Variants in ZNF730 observed in about 807,000 individuals in gnomAD.
ZNF730 encodes putative zinc finger protein 730.
A neutral mutation model predicts 12.6 loss-of-function variants in ZNF730; 12 were observed. The observed-to-expected ratio is 0.95, with a 90% CI of 0.61 to 1.54. The LOEUF is 1.54. Ranked by LOEUF, ZNF730 falls within the 40% of genes most tolerant of loss-of-function variation. The probability of loss-of-function intolerance (pLI) is 0.00; values close to 1 mark genes in which losing one functional copy is unlikely to be tolerated. For missense variants in ZNF730, 643 were observed against 583.5 expected (o/e 1.10, Z -1.05); for synonymous variants, 194 against 195.8 (o/e 0.99, Z 0.08).
At position 23,145,269 on chromosome 19, in the gene ZNF730, A is replaced by C. The variant is rs755629538; in HGVS notation, c.227-2A>C. ...GTAATTTGTTATTTTTATTTCTTTC[A>C]GTTATATGTTCTCATATTGCCCAAG... On this transcript the variant is annotated splice_acceptor_variant, in intron 3 of 3. Transcript: ENST00000597761. LOFTEE classifies it high-confidence loss of function. 6 of 1,496,274 alleles carry C rather than the reference A, an allele frequency of 4.0e-6. No individual in the cohort carries two copies. The highest frequency in any genetic ancestry group is 4.4e-6 in the Non-Finnish European group (5 of 1,125,810). The allele number at this position is 1,496,274 out of a possible 1,614,324, so 92.7% of individuals were successfully genotyped here. A position where few individuals can be genotyped will look rare whatever the true frequency, so the allele number is the denominator to read the frequency against.
intron 1 of ZNF730, among the ~76,000 whole-genome samples, chr19:23,129,061 G>T (rs140191133): frequency 6.6e-6 from 1 of 152,294 alleles, no homozygotes; most frequent in Non-Finnish European, 1.5e-5. Flanking sequence ...TTGAGGTTTG[G>T]CACCCTCCAC....
At chr19:23,137,509 T>A (rs892863120) in intron 3 of ZNF730, among the ~76,000 whole-genome samples, 2 of 152,234 alleles carry the variant, frequency 1.3e-5, no homozygotes, top group Non-Finnish European at 1.5e-5. Context: ...ATATATAAAG[T>A]CAAATGCTCC....
chr19:23,088,905 T>A (rs1205756120), intron 1 of ZNF730, among the ~76,000 whole-genome samples: 10 of 152,048 alleles, frequency 6.6e-5, no homozygotes. Flanking sequence ...GGAGTTTCTC[T>A]CTTGTTGCCC....
At chr19:23,127,484 C>G in intron 1 of ZNF730, 2 of 1,048,762 alleles carry the variant, frequency 1.9e-6, no homozygotes, top group Non-Finnish European at 3.0e-6. Context: ...TACTTTTTCC[C>G]TTGAAGCATC....
chr19:23,128,663 A>G (rs1341761492), intron 1 of ZNF730: 1 of 157,800 alleles, frequency 6.3e-6, no homozygotes, highest in Non-Finnish European at 1.4e-5. Flanking sequence ...GGGTTCTGTT[A>G]AGGGCATTCA....
chr19:23,120,173 G>C (rs1970582326), intron 1 of ZNF730, among the ~76,000 whole-genome samples: 1 of 151,500 alleles, frequency 6.6e-6, no homozygotes, highest in African/African-American at 2.4e-5. Context: ...TTTTGTATTT[G>C]TAGTAGAGAC....
intron 1 of ZNF730, chr19:23,127,565 T>C (rs1159800303): frequency 2.2e-6 from 2 of 918,094 alleles, no homozygotes; most frequent in East Asian, 4.8e-5. Context: ...AAAGGAATCA[T>C]GAAGCCAGAT....
chr19:23,141,414 T>C lies in ZNF730; in HGVS notation c.227-3857T>C, dbSNP rs187462375. Among the ~76,000 whole-genome samples the C allele has an allele frequency of 3.9e-3, 596 of 151,994 alleles. 11 individuals are homozygous for C. Among genetic ancestry groups the C allele is most frequent in the African/African-American group, 0.013 (554 of 41,456 alleles). On this transcript the variant is annotated intron_variant, in intron 3 of 3. Coordinates refer to ENST00000597761, the MANE Select transcript of ZNF730 (RefSeq NM_001277403.2). Reference sequence around the variant, plus strand: ...CGTCTCAAAAAAAAAAAAACAATTTTAAAATAAACAGACATGGTGTTGTGC... The same window carrying C: ...CGTCTCAAAAAAAAAAAAACAATTTCAAAATAAACAGACATGGTGTTGTGC...
At position 23,145,761 on chromosome 19, in the gene ZNF730, G is replaced by C; in HGVS notation, c.717G>C (p.Trp239Cys). The C allele has an allele frequency of 1.3e-6, 2 of 1,569,162 alleles. No homozygotes were observed. Among genetic ancestry groups the C allele is most frequent in the Non-Finnish European group, 1.7e-6 (2 of 1,159,306 alleles). Reference protein sequence around the residue: ...KCKECGKAFNWFSHFTTHKRI... With the variant: ...KCKECGKAFNCFSHFTTHKRI... ...AAGAATGTGGCAAAGCCTTTAACTG[G>C]TTTTCACATTTTACTACACATAAGA... The change falls in exon 4 of 4, where the codon TGG becomes TGC. Residue 239 changes from tryptophan (W) to cysteine (C), a missense_variant. Coordinates refer to ENST00000597761, the MANE Select transcript of ZNF730 (RefSeq NM_001277403.2).
chr19:23,099,038 A>G (rs1198972069), intron 1 of ZNF730, among the ~76,000 whole-genome samples: 1 of 152,170 alleles, frequency 6.6e-6, no homozygotes, highest in Non-Finnish European at 1.5e-5. Context: ...AACAGATTAG[A>G]TCATGTTTCT....
rs556123915 is a variant in ZNF730, at chr19:23,085,836, C to CTTTTTTTT, written c.-94+10469_-94+10476dup. Among the ~76,000 whole-genome samples, 68 of 54,858 alleles carry CTTTTTTTT rather than the reference C, an allele frequency of 1.2e-3. 9 individuals carry two copies. Among genetic ancestry groups the CTTTTTTTT allele is most frequent in the East Asian group, 2.0e-3 (4 of 1,982 alleles). 36.0% of individuals were successfully genotyped at this position (54,858 alleles called of 152,430 possible). A position where few individuals can be genotyped will look rare whatever the true frequency, so the allele number is the denominator to read the frequency against. On this transcript the variant is annotated intron_variant, in intron 1 of 2. Transcript: ENST00000593635. Reference sequence around the variant, plus strand: ...GACCTATTTCACCCAATTTTTTTTTCTTTTTTTTTTTTTTTTTTTTTTTTT... The same window carrying CTTTTTTTT: ...GACCTATTTCACCCAATTTTTTTTTCTTTTTTTTTTTTTTTTTTTTTTTTTTTTTTTTT...
At position 23,085,312 on chromosome 19, in the gene ZNF730, G is replaced by GT. The variant is rs763868678; in HGVS notation, c.-94+9933dup. Among the ~76,000 whole-genome samples, 12 of 149,874 alleles carry GT rather than the reference G, an allele frequency of 8.0e-5. No homozygotes were observed. In the South Asian group the frequency reaches 1.3e-3, roughly 16 times the overall value. ...TCGTGTCCTTTACCCACCTTTGTTT[G>GT]TTTTTTTTCTTTTTAAAGGATCATG... On this transcript the variant is annotated intron_variant, in intron 1 of 2. Transcript: ENST00000593635.
intron 3 of ZNF730, among the ~76,000 whole-genome samples, chr19:23,138,892 G>C (rs1970872808): frequency 6.6e-6 from 1 of 152,072 alleles, no homozygotes; most frequent in Non-Finnish European, 1.5e-5. Context: ...TTTTTTCAGG[G>C]ATTGCTGACA....
chr19:23,088,350 T>A (rs896527763), intron 1 of ZNF730, among the ~76,000 whole-genome samples: 3 of 151,914 alleles, frequency 2.0e-5, no homozygotes, highest in African/African-American at 7.3e-5. Flanking sequence ...ATGTTTCCAG[T>A]TTTTGCCCAT....
chr19:23,119,294 G>A (rs1281378737), intron 1 of ZNF730, among the ~76,000 whole-genome samples: 1 of 152,142 alleles, frequency 6.6e-6, no homozygotes, highest in Non-Finnish European at 1.5e-5. Flanking sequence ...AAATAATTTT[G>A]TGGTTTTTAT....
intron 1 of ZNF730, among the ~76,000 whole-genome samples, chr19:23,077,865 C>T (rs561466538): frequency 5.3e-5 from 8 of 152,280 alleles, no homozygotes; most frequent in Admixed American, 1.3e-4. Context: ...TAATCTGTAA[C>T]CCTACCCCCA....
chr19:23,107,944 C>T (rs941481285), intron 1 of ZNF730, among the ~76,000 whole-genome samples: 1 of 151,592 alleles, frequency 6.6e-6, no homozygotes, highest in African/African-American at 2.4e-5. Flanking sequence ...TTGTTTTTTC[C>T]AGAAAATGTC....
Position 23,117,117 on chromosome 19 carries a change from C to A in ZNF730, c.-57C>A. 1 of 1,613,128 alleles carries A rather than the reference C, an allele frequency of 6.2e-7. No homozygotes were observed. The highest frequency in any genetic ancestry group is 8.5e-7 in the Non-Finnish European group (1 of 1,179,300). On this transcript the variant is annotated 5_prime_UTR_variant, in exon 1 of 4. Coordinates refer to ENST00000597761, the MANE Select transcript of ZNF730 (RefSeq NM_001277403.2). ...AAGCCCAGCCTGTGTGGCCCTGCGA[C>A]CTGCGGGTATTGGGAGATCCACAGC...
At chr19:23,116,324 C>T (rs151144297), upstream of ZNF730, among the ~76,000 whole-genome samples, 2 of 24,994 alleles carry the variant, frequency 8.0e-5, no homozygotes, top group Non-Finnish European at 2.4e-4. Context: ...CTTTTCTTTT[C>T]TTTCTTTCTT....
Sources: gnomAD v4.1 joint callset for allele counts (sites outside exome capture counted in the v4.1 genomes callset) on GRCh38, gnomAD v4.1.1 for gene constraint, MANE v1.5 for transcripts, NCBI Gene and HGNC (gene_info 2026-07-23, HGNC 2026-07-21) for gene names.